The following CACNA2D3 variants were observed in gnomAD, a reference collection of about 807,000 sequenced individuals.
The protein encoded by CACNA2D3 is calcium voltage-gated channel auxiliary subunit alpha2delta 3, also known as voltage-dependent calcium channel subunit alpha-2/delta-3.
Under a neutral mutation model 160.6 loss-of-function variants are expected in CACNA2D3, and 60 were observed. The ratio of observed to expected loss-of-function variants is 0.37; its 90% CI spans 0.30 to 0.46. The LOEUF is 0.46. Among genes scored for constraint, CACNA2D3 ranks in the 20% least tolerant of loss-of-function variants. The probability of loss-of-function intolerance (pLI) is 1.00; values close to 1 mark genes in which losing one functional copy is unlikely to be tolerated. For synonymous variants in CACNA2D3, 558 were observed against 492.9 expected (o/e 1.13, Z -1.75); for missense variants, 1,205 against 1,365.0 (o/e 0.88, Z 1.85).
chr3:54,258,833 A>G (rs1702350812), intron 2 of CACNA2D3, among the ~76,000 whole-genome samples: 1 of 152,232 alleles, frequency 6.6e-6, no homozygotes, highest in Non-Finnish European at 1.5e-5. Flanking sequence ...AACCTATGAT[A>G]GCAAAACTCA....
At chr3:54,360,640 C>G (rs1455393492) in intron 3 of CACNA2D3, among the ~76,000 whole-genome samples, 1 of 152,188 alleles carries the variant, frequency 6.6e-6, no homozygotes, top group Non-Finnish European at 1.5e-5. Context: ...GTTCTTGGCT[C>G]CTCTGTGCTC....
chr3:54,910,361 G>C (rs1229669839), intron 27 of CACNA2D3, among the ~76,000 whole-genome samples: 22 of 152,058 alleles, frequency 1.4e-4, no homozygotes, highest in Admixed American at 1.4e-3. Context: ...TATGCTATAT[G>C]CTCCTCTGCC....
intron 2 of CACNA2D3, among the ~76,000 whole-genome samples, chr3:54,298,986 G>A (rs1298157844): frequency 2.0e-5 from 3 of 147,438 alleles, no homozygotes; most frequent in African/African-American, 7.5e-5. Flanking sequence ...AGAAGAAAGA[G>A]GAAAGAGTAT....
intron 11 of CACNA2D3, among the ~76,000 whole-genome samples, chr3:54,703,229 A>C (rs1327670633): frequency 6.6e-6 from 1 of 152,148 alleles, no homozygotes; most frequent in African/African-American, 2.4e-5. Flanking sequence ...CTGAACTTAA[A>C]TTAAAAGTTG....
intron 29 of CACNA2D3, among the ~76,000 whole-genome samples, chr3:54,975,532 A>C (rs931280575): frequency 6.9e-6 from 1 of 145,280 alleles, no homozygotes; most frequent in Admixed American, 6.9e-5. Context: ...AAAAAAAAAA[A>C]AAAAAAAAAA....
At chr3:54,820,394 ACTT>A (rs1187356928) in intron 14 of CACNA2D3, among the ~76,000 whole-genome samples, 1 of 152,144 alleles carries the variant, frequency 6.6e-6, no homozygotes, top group Non-Finnish European at 1.5e-5. Flanking sequence ...GTCTTCCAAA[ACTT>A]CTAGTCCTTT....
chr3:54,453,209 C>A (rs1700339049), intron 4 of CACNA2D3, among the ~76,000 whole-genome samples: 1 of 152,070 alleles, frequency 6.6e-6, no homozygotes, highest in Admixed American at 6.6e-5. Context: ...TCCATGCTAG[C>A]CTTGAATTTC....
chr3:54,374,598 G>A (rs540469803), intron 3 of CACNA2D3, among the ~76,000 whole-genome samples: 2 of 152,242 alleles, frequency 1.3e-5, no homozygotes, highest in South Asian at 2.1e-4. Context: ...CCCTTCTTTC[G>A]TTCAGTGTTC....
chr3:54,363,555 C>T (rs997846388), intron 3 of CACNA2D3, among the ~76,000 whole-genome samples: 2 of 152,172 alleles, frequency 1.3e-5, no homozygotes. Flanking sequence ...CCTGAAAGCA[C>T]TCCAATCTAA....
At chr3:54,437,858 G>T (rs552619960) in intron 4 of CACNA2D3, among the ~76,000 whole-genome samples, 1 of 152,326 alleles carries the variant, frequency 6.6e-6, no homozygotes, top group Non-Finnish European at 1.5e-5. Flanking sequence ...CAGGTAACAA[G>T]GAAGACAGAC....
At chr3:54,163,245 G>C (rs905883388) in intron 2 of CACNA2D3, among the ~76,000 whole-genome samples, 2 of 152,212 alleles carry the variant, frequency 1.3e-5, no homozygotes, top group Non-Finnish European at 2.9e-5. Flanking sequence ...CCAAATCTCA[G>C]TGTCCTACAA....
chr3:54,873,760 C>T (rs1408265753), intron 18 of CACNA2D3, among the ~76,000 whole-genome samples: 7 of 152,156 alleles, frequency 4.6e-5, no homozygotes, highest in Admixed American at 1.3e-4. Context: ...CTTAACTTGT[C>T]GCCTTGGAAT....
chr3:54,965,691 A>G (rs1374227620), intron 27 of CACNA2D3, among the ~76,000 whole-genome samples: 1 of 152,152 alleles, frequency 6.6e-6, no homozygotes, highest in Non-Finnish European at 1.5e-5. Flanking sequence ...GTAAAAGAAA[A>G]CACTGCAAAC....
chr3:54,891,475 G>C, intron 25 of CACNA2D3, 25 bp downstream of exon 25: 1 of 1,520,472 alleles, frequency 6.6e-7, no homozygotes, highest in Non-Finnish European at 9.1e-7. Flanking sequence ...TCCTCTACAG[G>C]GGCCCAGGGA....
intron 17 of CACNA2D3, among the ~76,000 whole-genome samples, chr3:54,853,310 C>G (rs77916715): frequency 0.011 from 1,685 of 152,254 alleles, 37 homozygotes; most frequent in African/African-American, 0.038. Context: ...CTACACAGAG[C>G]GGGTAGTCAG....
intron 26 of CACNA2D3, among the ~76,000 whole-genome samples, chr3:54,898,120 T>C (rs1335593221): frequency 2.0e-5 from 3 of 146,882 alleles, no homozygotes; most frequent in East Asian, 1.9e-4. Context: ...CTTTTTTCTT[T>C]CTTTCTTTTT....
intron 2 of CACNA2D3, among the ~76,000 whole-genome samples, chr3:54,157,247 C>T (rs1463693644): frequency 6.6e-6 from 1 of 152,176 alleles, no homozygotes; most frequent in Admixed American, 6.5e-5. Flanking sequence ...GCTTAAGGCC[C>T]CAACTTCATG....
intron 9 of CACNA2D3, chr3:54,626,281 C>T: frequency 1.4e-6 from 2 of 1,454,632 alleles, no homozygotes; most frequent in Non-Finnish European, 1.9e-6. Flanking sequence ...GGACCTGGAC[C>T]AGCTGCTGGA....
chr3:54,836,226 C>CTTTTTTTTTTTTT (rs71096454), intron 14 of CACNA2D3, among the ~76,000 whole-genome samples: 62 of 92,658 alleles, frequency 6.7e-4, no homozygotes, highest in South Asian at 7.6e-4. Context: ...TTTTTTTTTT[C>CTTTTTTTTTTTTT]TTTTTTTTTT....
Sources: gnomAD v4.1 joint callset for allele counts (sites outside exome capture counted in the v4.1 genomes callset) on GRCh38, gnomAD v4.1.1 for gene constraint, MANE v1.5 for transcripts, NCBI Gene and HGNC (gene_info 2026-07-23, HGNC 2026-07-21) for gene names.